IQCH: variants seen among roughly 807,000 people sequenced by gnomAD.
IQCH encodes the protein IQ domain-containing protein H.
A neutral mutation model predicts 117.0 loss-of-function variants in IQCH; 98 were observed. The ratio of observed to expected loss-of-function variants is 0.84; its 90% CI spans 0.71 to 0.99. The LOEUF (loss-of-function observed/expected upper bound fraction) is 0.99. IQCH is among the 50% of genes least tolerant of loss of function. The pLI, the probability that IQCH is intolerant of heterozygous loss-of-function variation, is 0.00. For synonymous variants in IQCH, 412 were observed against 448.2 expected, an observed-to-expected ratio of 0.92 and a Z score of 1.02; for missense variants, 1,102 against 1,243.8, an observed-to-expected ratio of 0.89 and a Z score of 1.72.
intron 15 of IQCH, among the ~76,000 whole-genome samples, chr15:67,420,556 G>T (rs1057301829): frequency 6.6e-6 from 1 of 152,130 alleles, no homozygotes; most frequent in African/African-American, 2.4e-5. Flanking sequence ...ACAGAAGATT[G>T]GGGCTATGTA....
At position 67,471,574 on chromosome 15, in the gene IQCH, T is replaced by C. The variant is rs78564313; in HGVS notation, c.2677-4122T>C. ...GGTACATAGCAAAGCCCAGGTCTTC[T>C]GATTCAAGTCACCTTCTGATGAAAA... is the stretch of plus-strand genomic sequence containing the variant. On this transcript the variant is annotated intron_variant, in intron 17 of 20. Coordinates refer to ENST00000335894, the MANE Select transcript of IQCH (RefSeq NM_001031715.3). Among the ~76,000 whole-genome samples, 38 of 152,364 alleles carry C rather than the reference T, an allele frequency of 2.5e-4. No homozygotes were observed. In the East Asian group the frequency reaches 6.7e-3, roughly 27 times the overall value.
intron 14 of IQCH, among the ~76,000 whole-genome samples, chr15:67,402,355 T>C (rs141873577): frequency 2.6e-5 from 4 of 152,186 alleles, no homozygotes; most frequent in Non-Finnish European, 2.9e-5. Context: ...GCCTCTTTTT[T>C]TGTAGGAGCC....
chr15:67,353,066 A>C (rs960715206), intron 6 of IQCH, among the ~76,000 whole-genome samples: 2 of 152,014 alleles, frequency 1.3e-5, no homozygotes, highest in Non-Finnish European at 2.9e-5. Context: ...GAATTGCTTG[A>C]ACCCAGGAGG....
chr15:67,290,296 A>G (rs1456815414), intron 4 of IQCH, among the ~76,000 whole-genome samples: 1 of 152,062 alleles, frequency 6.6e-6, no homozygotes, highest in African/African-American at 2.4e-5. Flanking sequence ...CATGAGATTT[A>G]CTATGCTGGT....
intron 1 of IQCH, among the ~76,000 whole-genome samples, chr15:67,255,619 A>G (rs1050005077): frequency 6.6e-6 from 1 of 152,232 alleles, no homozygotes; most frequent in Non-Finnish European, 1.5e-5. Flanking sequence ...ATTTCCACAT[A>G]TATCATCGGT....
rs1971118164 is a variant in IQCH at position 67,386,696 on chromosome 15, C to A, written c.1456+1677C>A. Among the ~76,000 whole-genome samples the A allele has an allele frequency of 6.6e-6, 1 of 151,800 alleles. No individual in the cohort carries two copies. Among genetic ancestry groups the A allele is most frequent in the African/African-American group, 2.4e-5 (1 of 41,314 alleles). Reference sequence around the variant, plus strand: ...GAATTCATGGTTCTCAGGTGCAGACCCCAATGGCTAGTATTTTCAGTTCCT... The same window carrying A: ...GAATTCATGGTTCTCAGGTGCAGACACCAATGGCTAGTATTTTCAGTTCCT... On this transcript the variant is annotated intron_variant, in intron 11 of 20. Transcript: ENST00000335894. The surrounding 1 kb of genome is among the most constrained non-coding windows in gnomAD (Gnocchi z 5.0).
intron 14 of IQCH, among the ~76,000 whole-genome samples, chr15:67,402,224 A>C (rs1282676765): frequency 6.6e-6 from 1 of 152,244 alleles, no homozygotes; most frequent in Non-Finnish European, 1.5e-5. Context: ...TAATCTAACT[A>C]AATCATTTTT....
chr15:67,400,498 T>TTTTTTTTTC lies in IQCH; in HGVS notation c.2097+197_2097+198insTTTTCTTTT, dbSNP rs1555481906. On this transcript the variant is annotated intron_variant, in intron 14 of 20. Coordinates refer to ENST00000335894, the MANE Select transcript of IQCH (RefSeq NM_001031715.3). The stretch of plus-strand genomic sequence containing the variant: ...GACTGAGTTCTTTTTTTTCTTTTTT[T>TTTTTTTTTC]TTTTGAGATGGGGCCTCACTCTGTT... 2.8e-4 allele frequency among the ~76,000 whole-genome samples: 39 copies of TTTTTTTTTC among 137,296 alleles called. 2 individuals are homozygous for TTTTTTTTTC. Among genetic ancestry groups the TTTTTTTTTC allele is most frequent in the Admixed American group, 2.8e-3 (36 of 12,958 alleles). The allele number at this position is 137,296 out of a possible 152,430, so 90.1% of individuals were successfully genotyped here. A position where few individuals can be genotyped will look rare whatever the true frequency, so the allele number is the denominator to read the frequency against.
At chr15:67,334,736 G>T (rs1484212819) in intron 4 of IQCH, among the ~76,000 whole-genome samples, 1 of 152,168 alleles carries the variant, frequency 6.6e-6, no homozygotes, top group Admixed American at 6.6e-5. Flanking sequence ...TACAGCCAGG[G>T]CTGAGAGTCG....
rs1049617504 is a variant in IQCH at position 67,261,311 on chromosome 15, A to G, written c.91A>G (p.Lys31Glu). The change falls in exon 2 of 21, where the codon AAA (lysine) becomes GAA (glutamate). Residue 31 changes from lysine to glutamate, a missense_variant. Coordinates refer to ENST00000335894, the MANE Select transcript of IQCH (RefSeq NM_001031715.3). ...DLYQLKEKLT[K>E]FSPEEKGETL... ...TTATCAGTTAAAGGAGAAATTAACA[A>G]AATTCTCACCTGAGGAAAAAGGAGA... The G allele has an allele frequency of 1.9e-6, 3 of 1,576,554 alleles. No individual in the cohort carries two copies. The highest frequency in any genetic ancestry group is 2.8e-5 in the African/African-American group (2 of 72,478).
At position 67,395,406 on chromosome 15, in the gene IQCH, A is replaced by G. The variant is rs759993045; in HGVS notation, c.1748A>G (p.Asp583Gly). Residue 583 changes from aspartate to glycine, a missense_variant, in exon 13 of 21, where the codon GAT (aspartate) becomes GGT (glycine). Transcript: ENST00000335894. This position sits in a 1 kb window ranked among gnomAD's most constrained non-coding sequence, Gnocchi z 4.0. ...AYIVSGLLHR[D>G]DLAVADMLDI... is the part of the protein sequence containing the mutation. ...ATCGTCAGCGGGCTCCTCCACAGAG[A>G]TGATTTAGCTGTGGCCGATATGTTA... 6.2e-7 allele frequency: 1 copy of G among 1,614,102 alleles called. No individual in the cohort carries two copies. Among genetic ancestry groups the G allele is most frequent in the Non-Finnish European group, 8.5e-7 (1 of 1,179,988 alleles).
At chr15:67,402,217 T>C (rs556615129) in intron 14 of IQCH, among the ~76,000 whole-genome samples, 69 of 152,328 alleles carry the variant, frequency 4.5e-4, no homozygotes, top group African/African-American at 1.5e-3. Flanking sequence ...TAATTAATAA[T>C]CTAACTAAAT....
At position 67,454,618 on chromosome 15, in the gene IQCH, C is replaced by T. The variant is rs956518002; in HGVS notation, c.2506-10509C>T. On this transcript the variant is annotated intron_variant, in intron 16 of 20. Transcript: ENST00000335894. The surrounding 1 kb of genome is among the most constrained non-coding windows in gnomAD (Gnocchi z 5.2). ...ACATTTTCCATCTCCATGGATTTCC[C>T]TATTCTAGGCATTTTATATAAATGA... 5.3e-5 allele frequency among the ~76,000 whole-genome samples: 8 copies of T among 152,196 alleles called. No individual in the cohort carries two copies. The highest frequency in any genetic ancestry group is 5.2e-4 in the Admixed American group (8 of 15,282).
chr15:67,489,602 C>T (rs2083593336), intron 18 of IQCH, among the ~76,000 whole-genome samples: 2 of 151,888 alleles, frequency 1.3e-5, no homozygotes, highest in Admixed American at 6.6e-5. Flanking sequence ...AGGCGTGAGT[C>T]ACCGTGCCCA....
intron 6 of IQCH, among the ~76,000 whole-genome samples, chr15:67,344,560 A>G (rs1320770381): frequency 6.6e-6 from 1 of 152,228 alleles, no homozygotes; most frequent in Non-Finnish European, 1.5e-5. Flanking sequence ...ACAGATGCAC[A>G]GTGACCAATG....
Position 67,391,969 on chromosome 15 carries a change from C to G in IQCH, c.1632+2963C>G, listed in dbSNP as rs1310418867. On this transcript the variant is annotated intron_variant, in intron 12 of 20. Coordinates refer to ENST00000335894, the MANE Select transcript of IQCH (RefSeq NM_001031715.3). This position sits in a 1 kb window ranked among gnomAD's most constrained non-coding sequence, Gnocchi z 4.3. ...TAGGTTCTATTGCTGCATCTGCCATCCCCCTTCACATCTCAAAAACCCACC... is the reference window on the plus strand; with the variant it reads ...TAGGTTCTATTGCTGCATCTGCCATGCCCCTTCACATCTCAAAAACCCACC... 6.6e-6 allele frequency among the ~76,000 whole-genome samples: 1 copy of G among 152,178 alleles called. No homozygotes were observed. The highest frequency in any genetic ancestry group is 1.5e-5 in the Non-Finnish European group (1 of 68,034).
Position 67,417,114 on chromosome 15 carries a change from G to A in IQCH, c.2218+63G>A. ...TACACAACCTTGGATTCTAGTTTTG[G>A]GTCAACTGGGGCCAATTTAAATACT... On this transcript the variant is annotated intron_variant, in intron 15 of 20. Coordinates refer to ENST00000335894, the MANE Select transcript of IQCH (RefSeq NM_001031715.3). This position sits in a 1 kb window ranked among gnomAD's most constrained non-coding sequence, Gnocchi z 4.3. The A allele has an allele frequency of 7.1e-7, 1 of 1,400,270 alleles. No homozygotes were observed. Among genetic ancestry groups the A allele is most frequent in the Non-Finnish European group, 9.6e-7 (1 of 1,043,018 alleles). The allele number at this position is 1,400,270 out of a possible 1,614,324, so 86.7% of individuals were successfully genotyped here.
Position 67,465,346 on chromosome 15 carries a change from C to T in IQCH, c.2676+49C>T. Reference sequence around the variant, plus strand: ...GGTTCTCGGTGTTCAGCAACACCCACTGCCACTGCCTGAGCTCTGTCTAGG... The same window carrying T: ...GGTTCTCGGTGTTCAGCAACACCCATTGCCACTGCCTGAGCTCTGTCTAGG... On this transcript the variant is annotated intron_variant, in intron 17 of 20. Transcript: ENST00000335894. The surrounding 1 kb of genome is among the most constrained non-coding windows in gnomAD (Gnocchi z 5.9). 6.4e-7 allele frequency: 1 copy of T among 1,561,232 alleles called. No individual in the cohort carries two copies. Among genetic ancestry groups the T allele is most frequent in the Non-Finnish European group, 8.7e-7 (1 of 1,145,268 alleles).
chr15:67,282,650 G>C (rs1473650114), intron 4 of IQCH, among the ~76,000 whole-genome samples: 2 of 152,178 alleles, frequency 1.3e-5, no homozygotes, highest in African/African-American at 4.8e-5. Context: ...CTTACCAGCT[G>C]TTACACATGC....
Sources: allele counts gnomAD v4.1 joint callset (sites outside exome capture counted in the v4.1 genomes callset), GRCh38; gene constraint gnomAD v4.1.1; non-coding constraint Gnocchi (gnomAD v3.1); transcripts MANE v1.5; gene names NCBI Gene and HGNC (gene_info 2026-07-23, HGNC 2026-07-21).